The following EYS variants were observed in gnomAD, a reference collection of about 807,000 sequenced individuals.
EYS encodes the protein protein eyes shut homolog.
A neutral mutation model predicts 282.1 loss-of-function variants in EYS; 250 were observed. The ratio of observed to expected loss-of-function variants is 0.89; its 90% CI spans 0.80 to 0.98. EYS has a LOEUF of 0.98. EYS is among the 50% of genes least tolerant of loss of function. The pLI is 0.00. For synonymous variants in EYS, 1,355 were observed against 1,282.9 expected, an observed-to-expected ratio of 1.06 and a Z score of -1.20; for missense variants, 4,016 against 3,709.0, an observed-to-expected ratio of 1.08 and a Z score of -2.15.
At chr6:64,756,146 C>T (rs1356336583) in intron 22 of EYS, among the ~76,000 whole-genome samples, 1 of 152,136 alleles carries the variant, frequency 6.6e-6, no homozygotes, top group Non-Finnish European at 1.5e-5. Flanking sequence ...AGGTATTCAA[C>T]ATTCCATATT....
chr6:64,163,298 T>C (rs1468528433), intron 31 of EYS, among the ~76,000 whole-genome samples: 7 of 152,138 alleles, frequency 4.6e-5, no homozygotes, highest in Non-Finnish European at 8.8e-5. Context: ...TTATTAGCTC[T>C]TATTTCAATC....
At chr6:64,506,545 C>T (rs1777211019) in intron 26 of EYS, among the ~76,000 whole-genome samples, 1 of 152,142 alleles carries the variant, frequency 6.6e-6, no homozygotes, top group South Asian at 2.1e-4. Flanking sequence ...TCATAGCACT[C>T]TGCTGAGAAG....
intron 12 of EYS, among the ~76,000 whole-genome samples, chr6:65,138,311 C>T (rs1203272982): frequency 6.6e-6 from 1 of 151,996 alleles, no homozygotes; most frequent in Non-Finnish European, 1.5e-5. Flanking sequence ...AAATGAGTAT[C>T]ACAATCTTCA....
chr6:65,436,323 T>C (rs1027843975), intron 5 of EYS, among the ~76,000 whole-genome samples: 5 of 152,122 alleles, frequency 3.3e-5, no homozygotes. Flanking sequence ...CAGACATTAT[T>C]TTTTTCATCA....
At chr6:65,443,649 G>T (rs201401904) in intron 5 of EYS, among the ~76,000 whole-genome samples, 2 of 144,426 alleles carry the variant, frequency 1.4e-5, no homozygotes, top group Admixed American at 1.4e-4. Flanking sequence ...ACATATATGT[G>T]TCTATACACA....
chr6:65,147,978 AC>A (rs1463634639), intron 12 of EYS, among the ~76,000 whole-genome samples: 1 of 151,924 alleles, frequency 6.6e-6, no homozygotes, highest in Non-Finnish European at 1.5e-5. Flanking sequence ...GGGGAAAACT[AC>A]CCCTATGAGC....
chr6:65,384,280 A>T, intron 8 of EYS, 106 bp downstream of exon 8: 1 of 700,046 alleles, frequency 1.4e-6, no homozygotes, highest in Non-Finnish European at 2.6e-6. Flanking sequence ...AGATATAAGG[A>T]TATGTTTCTC....
At chr6:64,594,684 A>C (rs1766522627) in intron 24 of EYS, among the ~76,000 whole-genome samples, 1 of 107,494 alleles carries the variant, frequency 9.3e-6, no homozygotes, top group East Asian at 2.9e-4. Context: ...CACACCGGGG[A>C]CTGTTGTGGG....
At chr6:65,514,112 T>C (rs1328831242) in intron 2 of EYS, among the ~76,000 whole-genome samples, 2 of 151,930 alleles carry the variant, frequency 1.3e-5, no homozygotes, top group Non-Finnish European at 2.9e-5. Context: ...ACAAAATCAA[T>C]GTACAAAAAT....
intron 11 of EYS, among the ~76,000 whole-genome samples, chr6:65,313,341 A>T (rs1769211533): frequency 6.6e-6 from 1 of 151,424 alleles, no homozygotes; most frequent in Non-Finnish European, 1.5e-5. Flanking sequence ...TAAAGAAGTG[A>T]CCCGATACAT....
chr6:65,058,443 G>T (rs1298112164), intron 12 of EYS, among the ~76,000 whole-genome samples: 1 of 138,636 alleles, frequency 7.2e-6, no homozygotes, highest in Non-Finnish European at 1.7e-5. Context: ...GGGCCACTGA[G>T]CCTGGCCCTA....
At chr6:63,745,173 A>T (rs923652242) in intron 41 of EYS, among the ~76,000 whole-genome samples, 1 of 152,258 alleles carries the variant, frequency 6.6e-6, no homozygotes, top group South Asian at 2.1e-4. Flanking sequence ...GTTCAAGGAC[A>T]TGTGGACAAG....
intron 2 of EYS, among the ~76,000 whole-genome samples, chr6:65,512,136 C>T (rs560861406): frequency 4.0e-4 from 61 of 152,044 alleles, no homozygotes; most frequent in Non-Finnish European, 7.1e-4. Context: ...CCTAACTTTC[C>T]GGCACACTTA....
At chr6:64,319,000 G>T (rs891514691) in intron 29 of EYS, among the ~76,000 whole-genome samples, 4 of 151,674 alleles carry the variant, frequency 2.6e-5, no homozygotes, top group Admixed American at 2.0e-4. Flanking sequence ...TCAAATACTA[G>T]ATCTTATTCA....
intron 2 of EYS, among the ~76,000 whole-genome samples, chr6:65,586,948 A>G (rs1248231595): frequency 6.6e-6 from 1 of 152,110 alleles, no homozygotes; most frequent in Admixed American, 6.6e-5. Flanking sequence ...AATTCAAGTT[A>G]TGGATCACTT....
In EYS at chr6:64,018,063, A is replaced by G. The variant is rs955173041; in HGVS notation, c.6726-18880T>C. On this transcript the variant is annotated intron_variant, in intron 33 of 42. Coordinates refer to ENST00000503581, the MANE Select transcript of EYS (RefSeq NM_001142800.2). ...TGTCTTATGTGTAAACCTTGGTGCC[A>G]AGTTTATTCCTACTTAGTCCTGAGA... Among the ~76,000 whole-genome samples, 3 of 152,158 alleles carry G rather than the reference A, an allele frequency of 2.0e-5. No individual in the cohort carries two copies. In the East Asian group the frequency reaches 5.8e-4, roughly 29 times the overall value.
chr6:63,954,896 C>T (rs974829452), intron 35 of EYS, among the ~76,000 whole-genome samples: 20 of 152,170 alleles, frequency 1.3e-4, no homozygotes, highest in Non-Finnish European at 1.8e-4. Context: ...CTTTCCATCA[C>T]GGAAATCTGT....
intron 29 of EYS, among the ~76,000 whole-genome samples, chr6:64,338,994 T>C (rs939176421): frequency 6.6e-6 from 1 of 151,980 alleles, no homozygotes; most frequent in African/African-American, 2.4e-5. Flanking sequence ...TCAAGATGGA[T>C]TAAGGACTTA....
At chr6:65,406,856 T>C (rs1766765384) in intron 5 of EYS, among the ~76,000 whole-genome samples, 1 of 152,178 alleles carries the variant, frequency 6.6e-6, no homozygotes, top group South Asian at 2.1e-4. Flanking sequence ...AAATACATAA[T>C]GCATATAGCT....
Sources: gnomAD v4.1 joint callset for allele counts (sites outside exome capture counted in the v4.1 genomes callset) on GRCh38, gnomAD v4.1.1 for gene constraint, MANE v1.5 for transcripts, NCBI Gene and HGNC (gene_info 2026-07-23, HGNC 2026-07-21) for gene names.